Variants in DRC7 observed in about 807,000 individuals in gnomAD.
DRC7 encodes coiled-coil domain containing 135.
Under a neutral mutation model 104.4 loss-of-function variants are expected in DRC7, and 80 were observed. The ratio of observed to expected loss-of-function variants is 0.77; its 90% CI spans 0.64 to 0.92. The LOEUF is 0.92. DRC7 is among the 40% of genes least tolerant of loss of function. The probability of loss-of-function intolerance (pLI) is 0.00; values close to 1 mark genes in which losing one functional copy is unlikely to be tolerated. For missense variants in DRC7, 1,034 were observed against 1,141.1 expected (o/e 0.91, Z 1.35); for synonymous variants, 405 against 447.3 (o/e 0.91, Z 1.19).
intron 7 of DRC7, 75 bp from the exon 8 acceptor site, chr16:57,707,385 C>T: frequency 7.1e-7 from 1 of 1,401,934 alleles, no homozygotes; most frequent in Non-Finnish European, 9.8e-7. Context: ...GTTCCCCAGC[C>T]CCAGGGAGAT....
chr16:57,719,667 A>G (rs371047752), intron 9 of DRC7, among the ~76,000 whole-genome samples: 68 of 151,932 alleles, frequency 4.5e-4, no homozygotes, highest in African/African-American at 1.2e-3. Flanking sequence ...ACACCACCAT[A>G]CCCAGCTAAT....
intron 14 of DRC7, 197 bp from the exon 15 acceptor site, chr16:57,726,635 C>T (rs1184363473): frequency 5.3e-6 from 3 of 561,318 alleles, no homozygotes; most frequent in African/African-American, 1.9e-5. Context: ...GGCACAGTCC[C>T]CAGCTTTTCT....
chr16:57,715,773 T>C (rs1460049567), intron 8 of DRC7, among the ~76,000 whole-genome samples: 1 of 152,034 alleles, frequency 6.6e-6, no homozygotes, highest in African/African-American at 2.4e-5. Context: ...ACCATGGTGG[T>C]CGGTGTCCTC....
At position 57,703,040 on chromosome 16, in the gene DRC7, C is replaced by T. The variant is rs530573389; in HGVS notation, c.699+910C>T. On this transcript the variant is annotated intron_variant, in intron 6 of 18. Transcript: ENST00000360716. ...CTGAGACTACAGGCGAGTACCACCA[C>T]GGCCAGCTAATTTTGTTTGTTTTTT... is the stretch of plus-strand genomic sequence containing the variant. Among the ~76,000 whole-genome samples the T allele has an allele frequency of 1.3e-4, 20 of 151,816 alleles. No individual in the cohort carries two copies. In the South Asian group the frequency reaches 2.1e-3, roughly 16 times the overall value.
intron 13 of DRC7, among the ~76,000 whole-genome samples, chr16:57,725,232 G>A (rs556433355): frequency 6.6e-6 from 1 of 152,200 alleles, no homozygotes; most frequent in African/African-American, 2.4e-5. Context: ...GAGCAAAGGG[G>A]AAGCTGCTTA....
chr16:57,717,911 T>C (rs1221281731), intron 8 of DRC7, among the ~76,000 whole-genome samples: 1 of 152,102 alleles, frequency 6.6e-6, no homozygotes, highest in Non-Finnish European at 1.5e-5. Context: ...ATGGGTAAAA[T>C]AAACAGGAGG....
At chr16:57,710,520 C>A (rs2048781642) in intron 8 of DRC7, among the ~76,000 whole-genome samples, 1 of 152,198 alleles carries the variant, frequency 6.6e-6, no homozygotes, top group Non-Finnish European at 1.5e-5. Context: ...TGGCTGGAAT[C>A]ATCAGTAAAT....
intron 6 of DRC7, 33 bp downstream of exon 6, chr16:57,702,163 A>T: frequency 6.2e-7 from 1 of 1,608,844 alleles, no homozygotes; most frequent in East Asian, 2.2e-5. Context: ...CGGGTTTCCC[A>T]AAGGATGAAC....
At chr16:57,726,445 C>A in intron 14 of DRC7, 162 bp downstream of exon 14, 1 of 650,326 alleles carries the variant, frequency 1.5e-6, no homozygotes. Flanking sequence ...ATCTGGGGAC[C>A]CTTCTCTTTG....
intron 13 of DRC7, 34 bp downstream of exon 13, chr16:57,724,869 C>T (rs773205660): frequency 5.7e-5 from 89 of 1,551,696 alleles, no homozygotes; most frequent in Non-Finnish European, 7.3e-5. Context: ...ACAGGTCGCC[C>T]TCCTTCTCTG....
chr16:57,723,828 T>TAAAA (rs55723383), intron 12 of DRC7, among the ~76,000 whole-genome samples: 2 of 149,718 alleles, frequency 1.3e-5, no homozygotes, highest in African/African-American at 2.5e-5. Flanking sequence ...AAGTTGATAA[T>TAAAA]AAAAAAAAAG....
rs1240999865 is a variant in DRC7, at chr16:57,704,938, G to A, written c.762G>A (p.Leu254=). 1 of 1,613,906 alleles carries A rather than the reference G, an allele frequency of 6.2e-7. No individual in the cohort carries two copies. Among genetic ancestry groups the A allele is most frequent in the East Asian group, 2.2e-5 (1 of 44,888 alleles). Residue 254 remains leucine (L), a synonymous_variant, in exon 7 of 19, where the codon CTG becomes CTA. Coordinates refer to ENST00000360716, the MANE Select transcript of DRC7 (RefSeq NM_001289162.2). ...KKYTIKPPRD[L]CSRFEQEQEV... is the part of the protein sequence containing the mutation. ...ATACCATCAAACCCCCCAGGGACCT[G>A]TGCAGCAGGTTTGAGCAGGAGCAAG...
At chr16:57,701,810 C>T (rs2048661126) in intron 5 of DRC7, 126 bp from the exon 6 acceptor site, 1 of 757,292 alleles carries the variant, frequency 1.3e-6, no homozygotes, top group Non-Finnish European at 2.1e-6. Flanking sequence ...GTTAGGGGCC[C>T]AAAGCAGGTC....
chr16:57,696,806 C>T (rs373870441), intron 2 of DRC7, among the ~76,000 whole-genome samples: 5 of 152,344 alleles, frequency 3.3e-5, no homozygotes, highest in African/African-American at 9.6e-5. Flanking sequence ...CTCTGTGCCT[C>T]GGTTCCCAGT....
At chr16:57,707,915 AT>A in intron 8 of DRC7, 1 of 568,658 alleles carries the variant, frequency 1.8e-6, no homozygotes, top group Non-Finnish European at 3.2e-6. Context: ...GTTTGAATGC[AT>A]TTTTTAAAAA....
chr16:57,700,167 G>T lies in DRC7; in HGVS notation c.401G>T (p.Arg134Leu). Reference sequence around the variant, plus strand: ...CAGAAGTTCGTGAGCACAACCCTCCGGCCCACACTGATGCCCTACCCCGAG... The same window carrying T: ...CAGAAGTTCGTGAGCACAACCCTCCTGCCCACACTGATGCCCTACCCCGAG... ...EVPKFVSTTLRPTLMPYPELY... is the reference protein window; with the variant it reads ...EVPKFVSTTLLPTLMPYPELY... The change falls in exon 5 of 19, where the codon CGG becomes CTG. Residue 134 changes from arginine (R) to leucine (L), a missense_variant. By Grantham distance (102) the Arg-to-Leu change is moderately radical. Transcript: ENST00000360716. 1 of 1,613,096 alleles carries T rather than the reference G, an allele frequency of 6.2e-7. No homozygotes were observed. Among genetic ancestry groups the T allele is most frequent in the Non-Finnish European group, 8.5e-7 (1 of 1,179,684 alleles).
chr16:57,719,708 A>G (rs1271562776), intron 9 of DRC7, among the ~76,000 whole-genome samples: 1 of 151,928 alleles, frequency 6.6e-6, no homozygotes, highest in African/African-American at 2.4e-5. Flanking sequence ...TGGTCTTGCT[A>G]TGTTACCTAG....
In DRC7 at chr16:57,726,822, G is replaced by T; in HGVS notation, c.1975-10G>T. Reference sequence around the variant, plus strand: ...GCCTCTCTGTGTTACTAAGGTGGTTGTTGTCCCAGGTGGAGCCCATGGAGC... The same window carrying T: ...GCCTCTCTGTGTTACTAAGGTGGTTTTTGTCCCAGGTGGAGCCCATGGAGC... On this transcript the variant is annotated splice_polypyrimidine_tract_variant and intron_variant, in intron 14 of 18. Coordinates refer to ENST00000360716, the MANE Select transcript of DRC7 (RefSeq NM_001289162.2). The T allele has an allele frequency of 6.3e-7, 1 of 1,590,352 alleles. No individual in the cohort carries two copies. The highest frequency in any genetic ancestry group is 1.1e-5 in the South Asian group (1 of 89,684).
intron 10 of DRC7, 116 bp downstream of exon 10, chr16:57,721,855 C>T (rs1167015469): frequency 4.3e-6 from 3 of 696,294 alleles, no homozygotes; most frequent in Non-Finnish European, 7.5e-6. Context: ...CCCACATTTC[C>T]ACCCTTCTCA....
Sources: gnomAD v4.1 joint callset for allele counts (sites outside exome capture counted in the v4.1 genomes callset) on GRCh38, gnomAD v4.1.1 for gene constraint, MANE v1.5 for transcripts, NCBI Gene and HGNC (gene_info 2026-07-23, HGNC 2026-07-21) for gene names.